The following SLC19A3 variants were observed in gnomAD, a reference collection of about 807,000 sequenced individuals.
SLC19A3 encodes thiamine transporter 2.
SLC19A3 carries 31 observed loss-of-function variants against 40.2 expected under a neutral mutation model. That is an observed-to-expected ratio of 0.77 (90% CI 0.58 to 1.04). SLC19A3 has a LOEUF of 1.04. SLC19A3 is among the 50% of genes least tolerant of loss of function. SLC19A3 has a pLI of 0.00. For synonymous variants in SLC19A3, 212 were observed against 227.5 expected (o/e 0.93, Z 0.61); for missense variants, 592 against 596.7 (o/e 0.99, Z 0.08).
chr2:227,699,305 T>G lies in SLC19A3; in HGVS notation c.410A>C (p.Gln137Pro), dbSNP rs780137522. 3.7e-6 allele frequency: 6 copies of G among 1,614,026 alleles called. No homozygotes were observed. In the South Asian group the frequency reaches 6.6e-5, roughly 18 times the overall value. Residue 137 changes from glutamine to proline, a missense_variant, in exon 3 of 6, where the codon CAG (glutamine) becomes CCG (proline). Physicochemically the swap from Gln to Pro is moderately conservative, Grantham distance 76 (BLOSUM62 -1). Transcript: ENST00000644224. ...GCTCCTGCAGTAGCCGCTCACTCTCTGGTAGTGCTCGGGGCTGACCACGCT... is the reference window on the plus strand; with the variant it reads ...GCTCCTGCAGTAGCCGCTCACTCTCGGGTAGTGCTCGGGGCTGACCACGCT... The part of the protein sequence containing the change: ...IYSVVSPEHY[Q>P]RVSGYCRSVT...
chr2:227,693,590 C>A (rs13012824), intron 4 of SLC19A3, among the ~76,000 whole-genome samples: 52,417 of 151,986 alleles, frequency 0.34, 9,894 homozygotes, highest in Non-Finnish European at 0.43. Flanking sequence ...AAAATCAAGT[C>A]AAAATGGATT....
rs191827405 is a variant in SLC19A3 at position 227,695,734 on chromosome 2, T to C, written c.1172+155A>G. On this transcript the variant is annotated intron_variant, in intron 4 of 5. Transcript: ENST00000644224. ...AATATTCAGAGAGCAAATAGTTAAA[T>C]GAAAAGTTGGCTTAGTTGTGTCTAA... 1.3e-5 allele frequency: 9 copies of C among 719,288 alleles called. No individual in the cohort carries two copies. In the Admixed American group the frequency reaches 1.4e-4, roughly 11 times the overall value. The allele number at this position is 719,288 out of a possible 1,614,324, so 44.6% of individuals were successfully genotyped here.
At chr2:227,705,999 A>C (rs1389580960) in intron 1 of SLC19A3, among the ~76,000 whole-genome samples, 3 of 152,004 alleles carry the variant, frequency 2.0e-5, no homozygotes, top group African/African-American at 7.3e-5. Context: ...AGTGAGCTGT[A>C]ATCATGCTGC....
chr2:227,713,526 A>G lies in SLC19A3; in HGVS notation c.-3+4417T>C, dbSNP rs1456674910. On this transcript the variant is annotated intron_variant, in intron 1 of 5. Coordinates refer to ENST00000644224, the MANE Select transcript of SLC19A3 (RefSeq NM_025243.4). ...AATGGAGTCAAAGGTTAATGTATTA[A>G]TGGGTCATCATGGGAGGGGAACTGG... 2.0e-5 allele frequency among the ~76,000 whole-genome samples: 3 copies of G among 151,390 alleles called. No individual in the cohort carries two copies. In the East Asian group the frequency reaches 5.8e-4, roughly 29 times the overall value.
intron 4 of SLC19A3, among the ~76,000 whole-genome samples, chr2:227,690,706 CAAAAAAA>C (rs34163746): frequency 5.6e-4 from 22 of 39,146 alleles, no homozygotes; most frequent in African/African-American, 1.1e-3. Context: ...GACTCCATCT[CAAAAAAA>C]AAAAAAAAAA....
At chr2:227,688,780 A>G (rs574802682) in intron 4 of SLC19A3, among the ~76,000 whole-genome samples, 1 of 152,266 alleles carries the variant, frequency 6.6e-6, no homozygotes, top group Admixed American at 6.5e-5. Context: ...AACAAACTAA[A>G]TAAGGCACCA....
chr2:227,687,083 A>G lies in SLC19A3; in HGVS notation c.*314T>C. 4.4e-6 allele frequency: 1 copy of G among 226,168 alleles called. No homozygotes were observed. Among genetic ancestry groups the G allele is most frequent in the Non-Finnish European group, 8.7e-6 (1 of 114,720 alleles). 14.0% of individuals were successfully genotyped at this position (226,168 alleles called of 1,614,324 possible). On this transcript the variant is annotated 3_prime_UTR_variant, in exon 6 of 6. Coordinates refer to ENST00000644224, the MANE Select transcript of SLC19A3 (RefSeq NM_025243.4). ...ACTCCAGGATGGCTGGAGTTTTCTC[A>G]TGGTTTGGTTCCACGCCATCTGCAT...
At chr2:227,702,434 T>G (rs894004037) in intron 1 of SLC19A3, 114 bp from the exon 2 acceptor site, 155 of 1,091,044 alleles carry the variant, frequency 1.4e-4, no homozygotes, top group Non-Finnish European at 2.0e-4. Context: ...CGCTCTGTTG[T>G]CCAGGCTGAA....
At chr2:227,706,779 A>C in intron 1 of SLC19A3, 1 of 153,518 alleles carries the variant, frequency 6.5e-6, no homozygotes, top group Non-Finnish European at 1.5e-5. Context: ...AATAACAACA[A>C]CAAAAGGCAC....
chr2:227,706,618 A>C (rs1695953600), intron 1 of SLC19A3: 2 of 320,778 alleles, frequency 6.2e-6, no homozygotes, highest in Admixed American at 1.1e-4. Flanking sequence ...TAATAACGCA[A>C]AAATTAGTCG....
At chr2:227,695,043 C>A (rs1695372924) in intron 4 of SLC19A3, among the ~76,000 whole-genome samples, 1 of 151,820 alleles carries the variant, frequency 6.6e-6, no homozygotes, top group Non-Finnish European at 1.5e-5. Context: ...CTGGGTGAGA[C>A]CCTGTCTCAA....
At chr2:227,716,444 T>A (rs1696338039) in intron 1 of SLC19A3, among the ~76,000 whole-genome samples, 1 of 152,100 alleles carries the variant, frequency 6.6e-6, no homozygotes, top group South Asian at 2.1e-4. Flanking sequence ...TCTCTGACCT[T>A]CCCGGCTCCC....
rs1229013530 is a variant in SLC19A3, at chr2:227,696,056, A to G, written c.1005T>C (p.Gly335=). Residue 335 remains glycine, a synonymous_variant, in exon 4 of 6, where the codon GGT becomes GGC. Coordinates refer to ENST00000644224, the MANE Select transcript of SLC19A3 (RefSeq NM_025243.4). ...FGGAVAAFAV[G]YVKVNWDLLG... ...GAAGGTCCCAGTTGACTTTCACATA[A>G]CCCACTGCAAAGGCAGCCACAGCCC... is the stretch of plus-strand genomic sequence containing the variant. The G allele has an allele frequency of 1.9e-6, 3 of 1,607,650 alleles. No homozygotes were observed. Among genetic ancestry groups the G allele is most frequent in the African/African-American group, 2.7e-5 (2 of 72,758 alleles).
intron 1 of SLC19A3, among the ~76,000 whole-genome samples, chr2:227,711,308 T>C (rs191616501): frequency 1.3e-3 from 191 of 152,034 alleles, no homozygotes; most frequent in South Asian, 4.8e-3. Flanking sequence ...TACTCCCAGC[T>C]ACTTGGGAGG....
chr2:227,692,327 C>A (rs1180438670), intron 4 of SLC19A3, among the ~76,000 whole-genome samples: 1 of 152,122 alleles, frequency 6.6e-6, no homozygotes, highest in African/African-American at 2.4e-5. Context: ...AAACTGAATT[C>A]AATAATACAT....
At position 227,718,000 on chromosome 2, in the gene SLC19A3, G is replaced by A. The variant is rs372251558; in HGVS notation, c.-60C>T. On this transcript the variant is annotated 5_prime_UTR_variant, in exon 1 of 6. Transcript: ENST00000644224. ...TCACTTGCCGCACGACCACGCACCCGCGGCTGTCGGATGGATCCAGGCGCT... is the reference window on the plus strand; with the variant it reads ...TCACTTGCCGCACGACCACGCACCCACGGCTGTCGGATGGATCCAGGCGCT... 50 of 985,134 alleles carry A rather than the reference G, an allele frequency of 5.1e-5. 1 individual carries two copies. In the East Asian group the frequency reaches 2.4e-3, roughly 47 times the overall value. The allele number at this position is 985,134 out of a possible 1,614,324, so 61.0% of individuals were successfully genotyped here.
chr2:227,705,691 G>A (rs114284192), intron 1 of SLC19A3, among the ~76,000 whole-genome samples: 1,594 of 152,172 alleles, frequency 0.01, 21 homozygotes, highest in Non-Finnish European at 0.016. Context: ...CACATGGGGC[G>A]AACAACATGC....
chr2:227,693,422 T>C (rs1695308154), intron 4 of SLC19A3, among the ~76,000 whole-genome samples: 3 of 151,974 alleles, frequency 2.0e-5, no homozygotes, highest in East Asian at 1.9e-4. Flanking sequence ...AGAAACCCAA[T>C]AGTGAACCCA....
intron 4 of SLC19A3, among the ~76,000 whole-genome samples, chr2:227,691,568 C>T (rs1042408533): frequency 4.6e-5 from 7 of 152,088 alleles, no homozygotes; most frequent in South Asian, 2.1e-4. Flanking sequence ...GAGATTATCA[C>T]GCCAGTGCAG....
Sources: allele counts gnomAD v4.1 joint callset (sites outside exome capture counted in the v4.1 genomes callset), GRCh38; gene constraint gnomAD v4.1.1; transcripts MANE v1.5; gene names NCBI Gene and HGNC (gene_info 2026-07-23, HGNC 2026-07-21).